Variants in ZMYM2 observed in about 807,000 individuals in gnomAD.
ZMYM2 encodes the protein zinc finger MYM-type protein 2.
Under a neutral mutation model 162.8 loss-of-function variants are expected in ZMYM2, and 56 were observed. The ratio of observed to expected loss-of-function variants is 0.34; its 90% CI spans 0.28 to 0.43. The LOEUF is 0.43. Ranked by LOEUF, ZMYM2 falls within the 20% of genes least tolerant of loss-of-function variation. The pLI is 1.00. For synonymous variants in ZMYM2, 510 were observed against 541.6 expected, an observed-to-expected ratio of 0.94 and a Z score of 0.81; for missense variants, 1,275 against 1,621.8, an observed-to-expected ratio of 0.79 and a Z score of 3.67.
chr13:20,082,772 CTA>C lies in ZMYM2; in HGVS notation c.3569-7_3569-6del. On this transcript the variant is annotated splice_region_variant and splice_polypyrimidine_tract_variant and intron_variant, in intron 22 of 24. Transcript: ENST00000610343. ...TATAATTCTTTTAAAATAGTTCTCT[CTA>C]TTTAAGGGTCAATATTCTCTCGAGT... is the stretch of plus-strand genomic sequence containing the variant. 6.4e-7 allele frequency: 1 copy of C among 1,551,944 alleles called. No homozygotes were observed. The highest frequency in any genetic ancestry group is 8.7e-7 in the Non-Finnish European group (1 of 1,149,346).
At chr13:19,935,958 A>G in the ZMYM2 span, among the ~76,000 whole-genome samples, 1 of 152,328 alleles carries the variant, frequency 6.6e-6, no homozygotes, top group South Asian at 2.1e-4. Flanking sequence ...CTATGCTAGT[A>G]ATCAGAAAAC....
At chr13:19,958,122 G>C (rs1213964211), upstream of ZMYM2, among the ~76,000 whole-genome samples, 4 of 151,840 alleles carry the variant, frequency 2.6e-5, no homozygotes, top group Non-Finnish European at 5.9e-5. Flanking sequence ...AGGGTGGAAG[G>C]GCCTCCACTG....
the ZMYM2 span, among the ~76,000 whole-genome samples, chr13:19,931,664 C>T: frequency 2.0e-5 from 3 of 152,208 alleles, no homozygotes; most frequent in Non-Finnish European, 4.4e-5. Flanking sequence ...TTCTCTGTTG[C>T]CCAGGCTGGA....
chr13:19,910,531 TC>T, the ZMYM2 span, among the ~76,000 whole-genome samples: 21 of 142,912 alleles, frequency 1.5e-4, no homozygotes, highest in Non-Finnish European at 2.6e-4. Context: ...TTTCTCTCTC[TC>T]TCTTTTTTTT....
intron 21 of ZMYM2, among the ~76,000 whole-genome samples, chr13:20,075,596 C>T (rs944089754): frequency 1.4e-5 from 2 of 147,522 alleles, no homozygotes; most frequent in Non-Finnish European, 1.5e-5. Flanking sequence ...CATGATCATT[C>T]TTTCATACAC....
the ZMYM2 span, among the ~76,000 whole-genome samples, chr13:19,898,175 G>C: frequency 6.6e-6 from 1 of 151,168 alleles, no homozygotes; most frequent in African/African-American, 2.4e-5. Context: ...AATGGAAACA[G>C]AACTAGAAGA....
intron 5 of ZMYM2, 117 bp from the exon 6 acceptor site, chr13:20,006,257 T>C: frequency 1.8e-6 from 2 of 1,130,992 alleles, no homozygotes; most frequent in South Asian, 3.8e-5. Flanking sequence ...AATTTTTTTT[T>C]TCCTTTTCTC....
the ZMYM2 span, among the ~76,000 whole-genome samples, chr13:19,940,809 G>T: frequency 6.6e-6 from 1 of 152,052 alleles, no homozygotes; most frequent in South Asian, 2.1e-4. Flanking sequence ...TAGGACAGGA[G>T]GTACATAAGA....
At position 20,058,607 on chromosome 13, in the gene ZMYM2, C is replaced by A. The variant is rs762953919; in HGVS notation, c.2526C>A (p.Asn842Lys). Residue 842 changes from asparagine to lysine, a missense_variant, in exon 15 of 25, where the codon AAC becomes AAA. Coordinates refer to ENST00000610343, the MANE Select transcript of ZMYM2 (RefSeq NM_197968.4). Reference protein sequence around the residue: ...GSAPPPSPTPNKEMKNKAVLC... With the variant: ...GSAPPPSPTPKKEMKNKAVLC... The stretch of plus-strand genomic sequence containing the variant: ...CACCACCCCCTTCTCCAACACCTAA[C>A]AAAGAGATGAAGAACAAAGCAGTTC... The A allele has an allele frequency of 1.2e-6, 2 of 1,613,706 alleles. No individual in the cohort carries two copies. The highest frequency in any genetic ancestry group is 1.7e-6 in the Non-Finnish European group (2 of 1,179,702).
intron 10 of ZMYM2, among the ~76,000 whole-genome samples, chr13:20,032,057 G>A (rs980025000): frequency 9.2e-5 from 14 of 151,816 alleles, no homozygotes; most frequent in African/African-American, 3.4e-4. Context: ...TTTTAGTAGA[G>A]ACGGGGTTTC....
At chr13:19,893,994 T>G in the ZMYM2 span, among the ~76,000 whole-genome samples, 1 of 151,754 alleles carries the variant, frequency 6.6e-6, no homozygotes, top group Non-Finnish European at 1.5e-5. Context: ...GGAGCTGTAG[T>G]GGAGTAGAGT....
chr13:20,055,221 C>T (rs1015692923), intron 14 of ZMYM2, among the ~76,000 whole-genome samples: 1 of 152,028 alleles, frequency 6.6e-6, no homozygotes, highest in Admixed American at 6.5e-5. Flanking sequence ...TGCAGTCAGT[C>T]CTCATTCATG....
At chr13:20,073,487 G>A (rs906272196) in intron 21 of ZMYM2, among the ~76,000 whole-genome samples, 12 of 152,054 alleles carry the variant, frequency 7.9e-5, no homozygotes, top group African/African-American at 2.9e-4. Flanking sequence ...TTTTTCTCTT[G>A]TATTGAGTCT....
chr13:20,059,620 A>G, intron 16 of ZMYM2, 58 bp downstream of exon 16: 1 of 808,376 alleles, frequency 1.2e-6, no homozygotes, highest in Non-Finnish European at 2.2e-6. Context: ...AGTTGGGAAA[A>G]CAGTGTACAG....
chr13:19,903,362 G>A, the ZMYM2 span, among the ~76,000 whole-genome samples: 1 of 150,642 alleles, frequency 6.6e-6, no homozygotes, highest in East Asian at 2.0e-4. Context: ...AAATTTGGCT[G>A]GGCGCAGTGG....
chr13:19,979,551 A>G (rs1333348033), intron 2 of ZMYM2, among the ~76,000 whole-genome samples: 2 of 152,076 alleles, frequency 1.3e-5, no homozygotes, highest in East Asian at 3.9e-4. Context: ...TGCAGAGAAA[A>G]GAGAAAATGG....
intron 12 of ZMYM2, among the ~76,000 whole-genome samples, chr13:20,037,873 G>A (rs1451319737): frequency 6.6e-6 from 1 of 152,144 alleles, no homozygotes; most frequent in Non-Finnish European, 1.5e-5. Flanking sequence ...GGGTCATGTT[G>A]TACTGATTAT....
chr13:19,935,748 C>T, the ZMYM2 span, among the ~76,000 whole-genome samples: 1 of 152,058 alleles, frequency 6.6e-6, no homozygotes, highest in Non-Finnish European at 1.5e-5. Context: ...TAGGTTCAAA[C>T]AGTTCTCCTG....
chr13:19,882,969 T>C, the ZMYM2 span, among the ~76,000 whole-genome samples: 2 of 152,188 alleles, frequency 1.3e-5, no homozygotes, highest in Non-Finnish European at 2.9e-5. Flanking sequence ...TATACAGTAC[T>C]ATTCACAGTA....
Sources: allele counts gnomAD v4.1 joint callset (sites outside exome capture counted in the v4.1 genomes callset), GRCh38; gene constraint gnomAD v4.1.1; transcripts MANE v1.5; gene names NCBI Gene and HGNC (gene_info 2026-07-23, HGNC 2026-07-21).